The following SMTNL2 variants were observed in gnomAD, a reference collection of about 807,000 sequenced individuals.
SMTNL2 encodes smoothelin like 2, also known as smoothelin-like protein 2.
SMTNL2 carries 43 observed loss-of-function variants against 44.1 expected under a neutral mutation model. The ratio of observed to expected loss-of-function variants is 0.98; its 90% CI spans 0.76 to 1.26. The LOEUF (loss-of-function observed/expected upper bound fraction) is 1.26. Ranked by LOEUF, SMTNL2 falls within the 50% of genes most tolerant of loss-of-function variation. The pLI, the probability that SMTNL2 is intolerant of heterozygous loss-of-function variation, is 0.00. For missense variants in SMTNL2, 646 were observed against 670.2 expected (o/e 0.96, Z 0.40); for synonymous variants, 317 against 287.6 (o/e 1.10, Z -1.03).
rs549460920 is a variant in SMTNL2 at position 4,607,515 on chromosome 17, C to T, written c.*28C>T. 8.9e-5 allele frequency: 144 copies of T among 1,611,188 alleles called. 2 individuals are homozygous for T. The South Asian group carries it at 1.4e-3, about 16-fold the overall frequency. ...CCCCTGAGCCTGGATTGCCAAAGAG[C>T]AGCCCCAGGAAGAGGCCGGGGGTCC... On this transcript the variant is annotated 3_prime_UTR_variant, in exon 8 of 8. Transcript: ENST00000389313. This position sits in a 1 kb window ranked among gnomAD's most constrained non-coding sequence, Gnocchi z 4.7.
intron 6 of SMTNL2, 52 bp from the exon 7 acceptor site, chr17:4,597,120 C>T (rs1327467815): frequency 2.1e-5 from 33 of 1,586,342 alleles, no homozygotes; most frequent in African/African-American, 2.7e-5. Flanking sequence ...TTATGCCTTC[C>T]GAGTGGGTGC....
intron 4 of SMTNL2, among the ~76,000 whole-genome samples, chr17:4,594,826 G>A (rs566533031): frequency 7.9e-5 from 12 of 152,200 alleles, no homozygotes; most frequent in African/African-American, 2.2e-4. Context: ...TGGTCCCTCC[G>A]GGGCTGGTTC....
chr17:4,600,587 A>G lies in SMTNL2; in HGVS notation c.1259+3264A>G, dbSNP rs561557815. Among the ~76,000 whole-genome samples, 2 of 152,196 alleles carry G rather than the reference A, an allele frequency of 1.3e-5. No homozygotes were observed. Among genetic ancestry groups the G allele is most frequent in the South Asian group, 4.2e-4 (2 of 4,802 alleles). On this transcript the variant is annotated intron_variant, in intron 7 of 7. Transcript: ENST00000389313. The surrounding 1 kb of genome is among the most constrained non-coding windows in gnomAD (Gnocchi z 4.7). ...TTCCCCAACCCCCACCTGATAATTT[A>G]TGGTCCCAGAGATTCCCGGTGGCCT... is the stretch of plus-strand genomic sequence containing the variant.
Position 4,605,864 on chromosome 17 carries a change from C to T in SMTNL2, c.1260-1497C>T, listed in dbSNP as rs369938493. The stretch of plus-strand genomic sequence containing the variant: ...AAGCAGAGTCAGAGGAGGCAGGGGG[C>T]GCAGGGCTGGGCATTCCAGAGGCTG... On this transcript the variant is annotated intron_variant, in intron 7 of 7. Coordinates refer to ENST00000389313, the MANE Select transcript of SMTNL2 (RefSeq NM_001114974.2). Among the ~76,000 whole-genome samples, 17 of 152,274 alleles carry T rather than the reference C, an allele frequency of 1.1e-4. No individual in the cohort carries two copies. In the East Asian group the frequency reaches 1.9e-3, roughly 17 times the overall value.
chr17:4,592,558 A>G lies in SMTNL2; in HGVS notation c.487+110A>G, dbSNP rs1909625148. On this transcript the variant is annotated intron_variant, in intron 2 of 7. Transcript: ENST00000389313. This position sits in a 1 kb window ranked among gnomAD's most constrained non-coding sequence, Gnocchi z 4.5. The stretch of plus-strand genomic sequence containing the variant: ...CTTGGCCTGGCATCGGGGGGACTCT[A>G]TCCTGAACCCCAGCAGGGAGAGAGG... 3 of 987,724 alleles carry G rather than the reference A, an allele frequency of 3.0e-6. No homozygotes were observed. The highest frequency in any genetic ancestry group is 2.6e-5 in the Admixed American group (1 of 38,328). The allele number at this position is 987,724 out of a possible 1,614,324, so 61.2% of individuals were successfully genotyped here.
Position 4,595,626 on chromosome 17 carries a change from C to G in SMTNL2, c.989+299C>G, listed in dbSNP as rs561520469. On this transcript the variant is annotated intron_variant, in intron 5 of 7. Transcript: ENST00000389313. This position sits in a 1 kb window ranked among gnomAD's most constrained non-coding sequence, Gnocchi z 5.1. Reference sequence around the variant, plus strand: ...CCCCCTGTCCTGTCTCTGGTGCCGCCAGGCTGCCCTCACACCCACATTCCC... The same window carrying G: ...CCCCCTGTCCTGTCTCTGGTGCCGCGAGGCTGCCCTCACACCCACATTCCC... Among the ~76,000 whole-genome samples, 1 of 152,326 alleles carries G rather than the reference C, an allele frequency of 6.6e-6. No homozygotes were observed. The highest frequency in any genetic ancestry group is 1.9e-4 in the East Asian group (1 of 5,184).
rs1023280526 is a variant in SMTNL2, at chr17:4,607,053, C to T, written c.1260-308C>T. 6.6e-6 allele frequency among the ~76,000 whole-genome samples: 1 copy of T among 152,086 alleles called. No homozygotes were observed. The highest frequency in any genetic ancestry group is 2.4e-5 in the African/African-American group (1 of 41,412). On this transcript the variant is annotated intron_variant, in intron 7 of 7. Coordinates refer to ENST00000389313, the MANE Select transcript of SMTNL2 (RefSeq NM_001114974.2). This position sits in a 1 kb window ranked among gnomAD's most constrained non-coding sequence, Gnocchi z 4.7. ...TAAGCTAGGATCGTGCCTCTGTACT[C>T]ATGCCTGGGCAACAGAGCAAGCCCC...
chr17:4,592,405 C>G lies in SMTNL2; in HGVS notation c.444C>G (p.Thr148=), dbSNP rs756741661. The change falls in exon 2 of 8, where the codon ACC becomes ACG. Residue 148 remains threonine (T), a synonymous_variant. Transcript: ENST00000389313. This position sits in a 1 kb window ranked among gnomAD's most constrained non-coding sequence, Gnocchi z 4.5. ...CCAGTGAGTCGGAGATGAGAAAGACCTCAAACTCCTGCATCATGGAAAATG... is the reference window on the plus strand; with the variant it reads ...CCAGTGAGTCGGAGATGAGAAAGACGTCAAACTCCTGCATCATGGAAAATG... ...DEASESEMRK[T]SNSCIMENGH... The G allele has an allele frequency of 6.2e-7, 1 of 1,613,592 alleles. No homozygotes were observed. Among genetic ancestry groups the G allele is most frequent in the Non-Finnish European group, 8.5e-7 (1 of 1,179,962 alleles).
At position 4,607,741 on chromosome 17, in the gene SMTNL2, C is replaced by T. The variant is rs1340877510; in HGVS notation, c.*254C>T. 3 of 433,186 alleles carry T rather than the reference C, an allele frequency of 6.9e-6. No individual in the cohort carries two copies. Among genetic ancestry groups the T allele is most frequent in the Admixed American group, 4.0e-5 (1 of 24,994 alleles). The allele number at this position is 433,186 out of a possible 1,614,324, so 26.8% of individuals were successfully genotyped here. On this transcript the variant is annotated 3_prime_UTR_variant, in exon 8 of 8. Coordinates refer to ENST00000389313, the MANE Select transcript of SMTNL2 (RefSeq NM_001114974.2). The surrounding 1 kb of genome is among the most constrained non-coding windows in gnomAD (Gnocchi z 4.7). ...GGAAAAATTATGAGAGAGAGAGAGA[C>T]ATTGGTGCTAAGTAATGATCTTCCT...
chr17:4,588,409 G>C (rs367609747), intron 1 of SMTNL2, among the ~76,000 whole-genome samples: 2 of 152,290 alleles, frequency 1.3e-5, no homozygotes, highest in African/African-American at 4.8e-5. Flanking sequence ...TCAAAACAAA[G>C]CCGAGCTGGG....
intron 1 of SMTNL2, among the ~76,000 whole-genome samples, chr17:4,587,445 G>A (rs904509166): frequency 4.6e-5 from 7 of 152,198 alleles, no homozygotes; most frequent in East Asian, 1.9e-4. Context: ...GTGCTGGCTC[G>A]TGTCCTGTGA....
rs772572083 is a variant in SMTNL2, at chr17:4,595,208, C to T, written c.870C>T (p.Val290=). The T allele has an allele frequency of 6.2e-7, 1 of 1,613,508 alleles. No individual in the cohort carries two copies. The highest frequency in any genetic ancestry group is 8.5e-7 in the Non-Finnish European group (1 of 1,180,008). Residue 290 remains valine, a synonymous_variant, in exon 5 of 8, where the codon GTC becomes GTT. Coordinates refer to ENST00000389313, the MANE Select transcript of SMTNL2 (RefSeq NM_001114974.2). This position sits in a 1 kb window ranked among gnomAD's most constrained non-coding sequence, Gnocchi z 5.1. ...CGCAGCCGCCAGCCATAACTCAGGT[C>T]CATCGGCAGGGGGAGCGTCGCAGGG... is the stretch of plus-strand genomic sequence containing the variant. ...VSPQPPAITQ[V]HRQGERRREL...
Position 4,592,970 on chromosome 17 carries a change from G to C in SMTNL2, c.529G>C (p.Ala177Pro). 1 of 1,614,002 alleles carries C rather than the reference G, an allele frequency of 6.2e-7. No homozygotes were observed. The highest frequency in any genetic ancestry group is 8.5e-7 in the Non-Finnish European group (1 of 1,179,938). ...CCCTGAGATTGCCCAAAACTTCTCA[G>C]CACCAGATCCCCCCAGGCCTCGTCC... ...GPPEIAQNFS[A>P]PDPPRPRPVS... The change falls in exon 3 of 8, where the codon GCA (alanine) becomes CCA (proline). Residue 177 changes from alanine (A) to proline (P), a missense_variant. Physicochemically the swap from Ala to Pro is conservative, Grantham distance 27. Coordinates refer to ENST00000389313, the MANE Select transcript of SMTNL2 (RefSeq NM_001114974.2). The surrounding 1 kb of genome is among the most constrained non-coding windows in gnomAD (Gnocchi z 4.5).
At chr17:4,593,227 A>G in intron 3 of SMTNL2, 56 bp downstream of exon 3, 1 of 1,525,960 alleles carries the variant, frequency 6.6e-7, no homozygotes, top group African/African-American at 1.4e-5. Context: ...TGGGAGAGGG[A>G]AGGCCGGGGC....
intron 7 of SMTNL2, among the ~76,000 whole-genome samples, chr17:4,602,299 G>C (rs1193580911): frequency 6.7e-6 from 1 of 149,370 alleles, no homozygotes; most frequent in South Asian, 2.1e-4. Context: ...AATCTGGGGT[G>C]GAAGGCAGGT....
At chr17:4,588,738 G>C (rs1597408678) in intron 1 of SMTNL2, among the ~76,000 whole-genome samples, 1 of 152,354 alleles carries the variant, frequency 6.6e-6, no homozygotes, top group East Asian at 1.9e-4. Context: ...TACTGACCCA[G>C]GTCCTGGAAG....
rs1378710434 is a variant in SMTNL2, at chr17:4,592,332, G to T, written c.400-29G>T. 1 of 1,610,378 alleles carries T rather than the reference G, an allele frequency of 6.2e-7. No individual in the cohort carries two copies. Among genetic ancestry groups the T allele is most frequent in the Non-Finnish European group, 8.5e-7 (1 of 1,178,316 alleles). Reference sequence around the variant, plus strand: ...GGTGGGCAGCTGGCCCTAGCTGATGGGGTCTCGGTGACATTTGTGTCTCTG... The same window carrying T: ...GGTGGGCAGCTGGCCCTAGCTGATGTGGTCTCGGTGACATTTGTGTCTCTG... On this transcript the variant is annotated intron_variant, in intron 1 of 7. Coordinates refer to ENST00000389313, the MANE Select transcript of SMTNL2 (RefSeq NM_001114974.2). The surrounding 1 kb of genome is among the most constrained non-coding windows in gnomAD (Gnocchi z 4.5).
rs60258130 is a variant in SMTNL2, at chr17:4,596,110, A to C, written c.990-750A>C. 7.5e-3 allele frequency among the ~76,000 whole-genome samples: 650 copies of C among 86,192 alleles called. 4 individuals are homozygous for C. The highest frequency in any genetic ancestry group is 0.026 in the Middle Eastern group (3 of 114). The allele number at this position is 86,192 out of a possible 152,430, so 56.5% of individuals were successfully genotyped here. The stretch of plus-strand genomic sequence containing the variant: ...CCTGCTGTGTGCAGGGTGTGGCCCA[A>C]GCGTGGTATTGATGTCTGCTGTGTG... On this transcript the variant is annotated intron_variant, in intron 5 of 7. Transcript: ENST00000389313.
rs1910358192 is a variant in SMTNL2 at position 4,608,096 on chromosome 17, C to T, written c.*609C>T. 1 of 152,230 alleles carries T rather than the reference C, an allele frequency of 6.6e-6. No individual in the cohort carries two copies. The highest frequency in any genetic ancestry group is 6.5e-5 in the Admixed American group (1 of 15,278). 9.4% of individuals were successfully genotyped at this position (152,230 alleles called of 1,614,324 possible). On this transcript the variant is annotated 3_prime_UTR_variant, in exon 8 of 8. Transcript: ENST00000389313. ...TCCGGGGAGATGGGAAGGCTCTCCTCTCGGTCCCAAAGTCCTCCTGTTCTT... is the reference window on the plus strand; with the variant it reads ...TCCGGGGAGATGGGAAGGCTCTCCTTTCGGTCCCAAAGTCCTCCTGTTCTT...
Sources: gnomAD v4.1 joint callset for allele counts (sites outside exome capture counted in the v4.1 genomes callset) on GRCh38, gnomAD v4.1.1 for gene constraint, Gnocchi (gnomAD v3.1) non-coding constraint, MANE v1.5 for transcripts, NCBI Gene and HGNC (gene_info 2026-07-23, HGNC 2026-07-21) for gene names.